WNK2: variants seen among roughly 807,000 people sequenced by gnomAD.
The protein encoded by WNK2 is WNK lysine deficient protein kinase 2.
WNK2 carries 67 observed loss-of-function variants against 192.1 expected under a neutral mutation model. The ratio of observed to expected loss-of-function variants is 0.35; its 90% CI spans 0.29 to 0.43. WNK2 has a LOEUF of 0.43. Among genes scored for constraint, WNK2 ranks in the 20% least tolerant of loss-of-function variants. The pLI is 1.00. For synonymous variants in WNK2, 1,439 were observed against 1,393.9 expected, an observed-to-expected ratio of 1.03 and a Z score of -0.72; for missense variants, 2,698 against 3,089.7, an observed-to-expected ratio of 0.87 and a Z score of 3.01.
At chr9:93,224,857 T>C (rs1052648742) in intron 2 of WNK2, among the ~76,000 whole-genome samples, 1 of 152,192 alleles carries the variant, frequency 6.6e-6, no homozygotes, top group Non-Finnish European at 1.5e-5. Context: ...CGTGTGAGTC[T>C]GGCAGGATTT....
At chr9:93,233,704 A>T (rs1318512667) in intron 4 of WNK2, among the ~76,000 whole-genome samples, 8 of 150,874 alleles carry the variant, frequency 5.3e-5, no homozygotes, top group African/African-American at 1.9e-4. Flanking sequence ...TCCGTCTCAA[A>T]AAAAAAAAAA....
intron 19 of WNK2, among the ~76,000 whole-genome samples, chr9:93,275,953 G>A (rs947037492): frequency 2.6e-5 from 4 of 152,130 alleles, no homozygotes; most frequent in Admixed American, 2.6e-4. Context: ...TGAATCAAAG[G>A]TTACCTAACT....
At chr9:93,235,905 G>A (rs1839743404) in intron 5 of WNK2, among the ~76,000 whole-genome samples, 1 of 152,212 alleles carries the variant, frequency 6.6e-6, no homozygotes, top group Non-Finnish European at 1.5e-5. Context: ...AGCCCTCCTT[G>A]CAGATTACCT....
intron 10 of WNK2, 71 bp from the exon 11 acceptor site, chr9:93,256,877 T>C: frequency 7.2e-7 from 1 of 1,396,208 alleles, no homozygotes. Flanking sequence ...TATCCTGTCA[T>C]GTGTAACCAG....
chr9:93,226,829 T>C (rs1340056722), intron 2 of WNK2, among the ~76,000 whole-genome samples: 4 of 152,200 alleles, frequency 2.6e-5, no homozygotes, highest in Admixed American at 1.3e-4. Context: ...TGAGCCATGG[T>C]CCCATTTGGA....
At chr9:93,190,654 C>T (rs1333394130) in intron 2 of WNK2, among the ~76,000 whole-genome samples, 1 of 152,272 alleles carries the variant, frequency 6.6e-6, no homozygotes, top group Non-Finnish European at 1.5e-5. Flanking sequence ...CTGGAACCTT[C>T]CGTGGTGGCA....
chr9:93,305,884 C>T (rs16909013), intron 26 of WNK2, among the ~76,000 whole-genome samples: 6,226 of 152,256 alleles, frequency 0.041, 422 homozygotes, highest in African/African-American at 0.14. Flanking sequence ...GAGGCTTTGC[C>T]GAGTGACCTT....
Position 93,185,607 on chromosome 9 carries a change from G to T in WNK2, c.678G>T (p.Leu226=), listed in dbSNP as rs749442790. The T allele has an allele frequency of 5.6e-6, 9 of 1,608,892 alleles. No individual in the cohort carries two copies. Among genetic ancestry groups the T allele is most frequent in the Non-Finnish European group, 7.6e-6 (9 of 1,177,862 alleles). Reference sequence around the variant, plus strand: ...GGGTGGAGGTGGCCTGGTGTGAGCTGCAGGTGAGGGTGCCCCAGCCCGCAG... The same window carrying T: ...GGGTGGAGGTGGCCTGGTGTGAGCTTCAGGTGAGGGTGCCCCAGCCCGCAG... ...ETWVEVAWCE[L]QDRKLTKLER... Residue 226 remains leucine, a synonymous_variant, in exon 2 of 30, where the codon CTG becomes CTT. Coordinates refer to ENST00000427277, the MANE Select transcript of WNK2 (RefSeq NM_006648.4).
chr9:93,263,468 TGG>T, intron 14 of WNK2, 96 bp from the exon 15 acceptor site: 1 of 1,482,556 alleles, frequency 6.7e-7, no homozygotes, highest in Non-Finnish European at 9.1e-7. Context: ...ATTTGGGCCC[TGG>T]AGACTCCAGA....
chr9:93,268,957 G>A, intron 19 of WNK2: 2 of 1,550,236 alleles, frequency 1.3e-6, no homozygotes, highest in Non-Finnish European at 1.7e-6. Flanking sequence ...CCAGGTTTGA[G>A]TCTGCCCTGT....
rs1054639268 is a variant in WNK2 at position 93,257,420 on chromosome 9, C to A, written c.2382+281C>A. ...CCTCCAGCCTCACCTTCTCTACCAA[C>A]CTGGCAGGCTGCTCTTGGTCCTTCC... On this transcript the variant is annotated intron_variant, in intron 11 of 29. Coordinates refer to ENST00000427277, the MANE Select transcript of WNK2 (RefSeq NM_006648.4). The surrounding 1 kb of genome is among the most constrained non-coding windows in gnomAD (Gnocchi z 4.7). 3.9e-5 allele frequency among the ~76,000 whole-genome samples: 6 copies of A among 152,190 alleles called. No individual in the cohort carries two copies. Among genetic ancestry groups the A allele is most frequent in the African/African-American group, 1.4e-4 (6 of 41,452 alleles).
chr9:93,267,853 C>A lies in WNK2; in HGVS notation c.3804C>A (p.Asp1268Glu). Reference protein sequence around the residue: ...EDMLSEDTDADRGSDPGTSPP... With the variant: ...EDMLSEDTDAERGSDPGTSPP... ...TGCTCAGCGAGGACACAGACGCCGA[C>A]CGTGGCTCCGACCCAGGGACCAGCC... Residue 1268 changes from aspartate (D) to glutamate (E), a missense_variant, in exon 17 of 30, where the codon GAC becomes GAA. Around this residue, in one of 7 missense-constraint regions of WNK2, gnomAD observed 1,098 missense variants for 1,101.0 expected, o/e 1.00. Coordinates refer to ENST00000427277, the MANE Select transcript of WNK2 (RefSeq NM_006648.4). 6.2e-7 allele frequency: 1 copy of A among 1,611,552 alleles called. No individual in the cohort carries two copies. Among genetic ancestry groups the A allele is most frequent in the Non-Finnish European group, 8.5e-7 (1 of 1,179,120 alleles).
intron 23 of WNK2, among the ~76,000 whole-genome samples, chr9:93,296,931 G>A (rs1210822476): frequency 8.5e-5 from 4 of 47,144 alleles, no homozygotes; most frequent in African/African-American, 2.4e-4. Context: ...TACCTCCCTC[G>A]ACCTTCCTCC....
At chr9:93,280,396 A>C (rs2133563916) in intron 19 of WNK2, among the ~76,000 whole-genome samples, 1 of 152,312 alleles carries the variant, frequency 6.6e-6, no homozygotes, top group South Asian at 2.1e-4. Context: ...AGGAGCTGGA[A>C]CTCTTAGGCA....
chr9:93,297,597 C>T (rs1288685147), intron 23 of WNK2, among the ~76,000 whole-genome samples: 2 of 152,246 alleles, frequency 1.3e-5, no homozygotes, highest in Admixed American at 1.3e-4. Context: ...AAGTTTGAGG[C>T]TTCTTAGCCT....
Position 93,259,602 on chromosome 9 carries a change from A to G in WNK2, c.3054A>G (p.Thr1018=). The G allele has an allele frequency of 1.3e-6, 2 of 1,585,676 alleles. No individual in the cohort carries two copies. Among genetic ancestry groups the G allele is most frequent in the Middle Eastern group, 1.7e-4 (1 of 5,974 alleles). The part of the protein sequence containing the change: ...HLPEQAAPAA[T]PGSQILLGHP... ...CTGAACAAGCTGCTCCAGCTGCTAC[A>G]CCAGGGAGCCAGGTAATCACCTGCT... The change falls in exon 12 of 30, where the codon ACA becomes ACG. Residue 1018 remains threonine (T), a synonymous_variant. Coordinates refer to ENST00000427277, the MANE Select transcript of WNK2 (RefSeq NM_006648.4). The surrounding 1 kb of genome is among the most constrained non-coding windows in gnomAD (Gnocchi z 4.8).
chr9:93,204,071 G>A (rs1477364873), intron 2 of WNK2, among the ~76,000 whole-genome samples: 2 of 152,050 alleles, frequency 1.3e-5, no homozygotes, highest in East Asian at 1.9e-4. Context: ...TGTGGGGGCT[G>A]TATTCTGGTA....
At chr9:93,198,015 G>T (rs1027806791) in intron 2 of WNK2, among the ~76,000 whole-genome samples, 2 of 152,188 alleles carry the variant, frequency 1.3e-5, no homozygotes, top group African/African-American at 4.8e-5. Context: ...TTCCTGAGAG[G>T]GAGGTGCTGT....
chr9:93,196,441 C>T lies in WNK2; in HGVS notation c.681+10831C>T, dbSNP rs115781360. 6.7e-3 allele frequency among the ~76,000 whole-genome samples: 1,021 copies of T among 152,302 alleles called. 8 individuals are homozygous for T. Among genetic ancestry groups the T allele is most frequent in the African/African-American group, 0.023 (967 of 41,560 alleles). ...GGGACATGGGGTTTTCTCTCTGTTT[C>T]TTCTGTCCTCATCCATGTTGGCATT... On this transcript the variant is annotated intron_variant, in intron 2 of 29. Coordinates refer to ENST00000427277, the MANE Select transcript of WNK2 (RefSeq NM_006648.4).
Sources: allele counts gnomAD v4.1 joint callset (sites outside exome capture counted in the v4.1 genomes callset), GRCh38; gene constraint gnomAD v4.1.1; regional missense constraint gnomAD v4.1.1; non-coding constraint Gnocchi (gnomAD v3.1); transcripts MANE v1.5; gene names NCBI Gene and HGNC (gene_info 2026-07-23, HGNC 2026-07-21).